The following ADAMTSL2 variants were observed in gnomAD, a reference collection of about 807,000 sequenced individuals.
ADAMTSL2 encodes the protein ADAMTS-like protein 2.
A neutral mutation model predicts 117.0 loss-of-function variants in ADAMTSL2; 55 were observed. That is an observed-to-expected ratio of 0.47 (90% CI 0.38 to 0.59). The LOEUF (loss-of-function observed/expected upper bound fraction) is 0.59. ADAMTSL2 is among the 20% of genes least tolerant of loss of function. The probability of loss-of-function intolerance (pLI) is 0.00; values close to 1 mark genes in which losing one functional copy is unlikely to be tolerated. For missense variants in ADAMTSL2, 1,182 were observed against 1,354.5 expected (o/e 0.87, Z 2.00); for synonymous variants, 572 against 566.4 (o/e 1.01, Z -0.14).
rs1232915406 is a variant in ADAMTSL2 at position 133,555,179 on chromosome 9, C to T, written c.1277-379C>T. On this transcript the variant is annotated intron_variant, in intron 10 of 18. Coordinates refer to ENST00000651351, the MANE Select transcript of ADAMTSL2 (RefSeq NM_014694.4). Reference sequence around the variant, plus strand: ...TCCTCCTCTGTGCCGGTGTCTCTGTCGGTCCCCTTCTGATAAGGATATTTC... The same window carrying T: ...TCCTCCTCTGTGCCGGTGTCTCTGTTGGTCCCCTTCTGATAAGGATATTTC... 6.6e-5 allele frequency among the ~76,000 whole-genome samples: 10 copies of T among 152,160 alleles called. No homozygotes were observed. The South Asian group carries it at 8.3e-4, about 13-fold the overall frequency.
Position 133,536,767 on chromosome 9 carries a change from G to C in ADAMTSL2, c.55G>C (p.Val19Leu). 1 of 1,614,244 alleles carries C rather than the reference G, an allele frequency of 6.2e-7. No homozygotes were observed. The highest frequency in any genetic ancestry group is 8.5e-7 in the Non-Finnish European group (1 of 1,180,048). The change falls in exon 2 of 19, where the codon GTT (valine) becomes CTT (leucine). Residue 19 changes from valine (V) to leucine (L), a missense_variant. This residue lies in a region of ADAMTSL2 where 372 missense variants were observed against 463.4 expected (regional missense o/e 0.80). Transcript: ENST00000651351. ...CWAWFLLVLA[V>L]VAGDTVSTGS... ...GGCCTGGTTCCTGCTGGTTCTGGCAGTTGTAGCTGGGGACACAGTGTCAAC... is the reference window on the plus strand; with the variant it reads ...GGCCTGGTTCCTGCTGGTTCTGGCACTTGTAGCTGGGGACACAGTGTCAAC...
chr9:133,568,166 C>T lies in ADAMTSL2; in HGVS notation c.1875-107C>T, dbSNP rs966981534. On this transcript the variant is annotated intron_variant, in intron 13 of 18. Transcript: ENST00000651351. ...TAGCTTGTTGTGTGCGGTTTTGGAC[C>T]ACATAGGGGAGGAAGGGAGGAGCCG... 8 of 1,190,700 alleles carry T rather than the reference C, an allele frequency of 6.7e-6. No homozygotes were observed. In the African/African-American group the frequency reaches 9.0e-5, roughly 13 times the overall value. The allele number at this position is 1,190,700 out of a possible 1,614,324, so 73.8% of individuals were successfully genotyped here. A position where few individuals can be genotyped will look rare whatever the true frequency, so the allele number is the denominator to read the frequency against.
chr9:133,535,382 G>C (rs1455708328), intron 1 of ADAMTSL2, among the ~76,000 whole-genome samples: 1 of 142,856 alleles, frequency 7.0e-6, no homozygotes, highest in African/African-American at 2.6e-5. Flanking sequence ...GAGGTGGGGG[G>C]CAGGCGGCGG....
At chr9:133,561,770 CG>C (rs1166641426) in intron 12 of ADAMTSL2, among the ~76,000 whole-genome samples, 2 of 152,162 alleles carry the variant, frequency 1.3e-5, no homozygotes, top group Admixed American at 6.5e-5. Flanking sequence ...AGACCCTCCT[CG>C]GTGGTGCCTG....
In ADAMTSL2 at chr9:133,537,637, T is replaced by G. The variant is rs144524985; in HGVS notation, c.233+90T>G. ...CGGTTGGCTCTTCAGCCTGGTGGCT[T>G]CTCCCCCTGGGAGGGCTCTCGGGTT... is the stretch of plus-strand genomic sequence containing the variant. On this transcript the variant is annotated intron_variant, in intron 3 of 18. Coordinates refer to ENST00000651351, the MANE Select transcript of ADAMTSL2 (RefSeq NM_014694.4). 401 of 1,259,080 alleles carry G rather than the reference T, an allele frequency of 3.2e-4. 3 individuals are homozygous for G. In the African/African-American group the frequency reaches 5.8e-3, roughly 18 times the overall value. 78.0% of individuals were successfully genotyped at this position (1,259,080 alleles called of 1,614,324 possible). A position where few individuals can be genotyped will look rare whatever the true frequency, so the allele number is the denominator to read the frequency against.
At chr9:133,571,161 C>T (rs2131186539) in intron 17 of ADAMTSL2, among the ~76,000 whole-genome samples, 1 of 152,348 alleles carries the variant, frequency 6.6e-6, no homozygotes, top group East Asian at 1.9e-4. Context: ...CAACCCTCAC[C>T]CAGTTCTTTG....
Position 133,554,672 on chromosome 9 carries a change from C to A in ADAMTSL2, c.1255C>A (p.Pro419Thr). 1.3e-6 allele frequency: 2 copies of A among 1,511,800 alleles called. No individual in the cohort carries two copies. Among genetic ancestry groups the A allele is most frequent in the East Asian group, 2.4e-5 (1 of 40,912 alleles). 93.6% of individuals were successfully genotyped at this position (1,511,800 alleles called of 1,614,324 possible). A position where few individuals can be genotyped will look rare whatever the true frequency, so the allele number is the denominator to read the frequency against. The change falls in exon 10 of 19, where the codon CCC becomes ACC. Residue 419 changes from proline to threonine, a missense_variant. Transcript: ENST00000651351. This position sits in a 1 kb window ranked among gnomAD's most constrained non-coding sequence, Gnocchi z 5.2. Reference sequence around the variant, plus strand: ...CGGCGGCGGGGCCTGCGAGGGGCCCCCCAGGGGCAAGGGCTTCCGAGGTAA... The same window carrying A: ...CGGCGGCGGGGCCTGCGAGGGGCCCACCAGGGGCAAGGGCTTCCGAGGTAA... ...QAGGGACEGPPRGKGFRDRNV... is the reference protein window; with the variant it reads ...QAGGGACEGPTRGKGFRDRNV...
intron 14 of ADAMTSL2, 54 bp downstream of exon 14, chr9:133,568,540 T>G (rs1831030232): frequency 6.4e-7 from 1 of 1,565,588 alleles, no homozygotes. Context: ...GAGCTGGGCT[T>G]GGGAGATGGA....
rs886063649 is a variant in ADAMTSL2 at position 133,573,939 on chromosome 9, G to C, written c.2689G>C (p.Val897Leu). ...TGGTTGCGATCCGTTGGTGAAGCCC[G>C]TTGGCAGACAGGCCTGTGATCTGCA... The part of the protein sequence containing the change: ...VRGCDPLVKP[V>L]GRQACDLQPC... Residue 897 changes from valine to leucine, a missense_variant, in exon 18 of 19, where the codon GTT becomes CTT. Physicochemically the swap from Val to Leu is conservative, Grantham distance 32. Transcript: ENST00000651351. The C allele has an allele frequency of 1.2e-6, 2 of 1,614,066 alleles. No individual in the cohort carries two copies. Among genetic ancestry groups the C allele is most frequent in the Admixed American group, 1.7e-5 (1 of 60,024 alleles).
intron 9 of ADAMTSL2, among the ~76,000 whole-genome samples, chr9:133,551,306 A>C (rs34187456): frequency 0.31 from 46,602 of 150,168 alleles, 7,911 homozygotes; most frequent in Middle Eastern, 0.38. Flanking sequence ...GCCCCCCCAC[A>C]CACAGCCATA....
At chr9:133,548,373 G>T (rs1382693946) in intron 9 of ADAMTSL2, among the ~76,000 whole-genome samples, 1 of 152,178 alleles carries the variant, frequency 6.6e-6, no homozygotes, top group Non-Finnish European at 1.5e-5. Flanking sequence ...GCATCTCTGT[G>T]TCTGTGCTTA....
At chr9:133,548,712 C>A (rs926774620) in intron 9 of ADAMTSL2, among the ~76,000 whole-genome samples, 1 of 152,128 alleles carries the variant, frequency 6.6e-6, no homozygotes, top group African/African-American at 2.4e-5. Context: ...GGGGGCATGA[C>A]CTGGGGAGAG....
intron 5 of ADAMTSL2, among the ~76,000 whole-genome samples, chr9:133,540,302 C>T (rs1331354611): frequency 1.3e-5 from 2 of 152,242 alleles, no homozygotes; most frequent in African/African-American, 2.4e-5. Flanking sequence ...CCAGGGCCAG[C>T]AGCACAGGGG....
In ADAMTSL2 at chr9:133,575,083, C is replaced by G. The variant is rs1831198393; in HGVS notation, c.*219C>G. The G allele has an allele frequency of 1.7e-6, 1 of 584,544 alleles. No individual in the cohort carries two copies. The allele number at this position is 584,544 out of a possible 1,614,324, so 36.2% of individuals were successfully genotyped here. On this transcript the variant is annotated 3_prime_UTR_variant, in exon 19 of 19. Coordinates refer to ENST00000651351, the MANE Select transcript of ADAMTSL2 (RefSeq NM_014694.4). Reference sequence around the variant, plus strand: ...CCCAGTGGCCTCCCCCAGACAGAGCCACCCCTGCCGTGGGAACCTGTCCGT... The same window carrying G: ...CCCAGTGGCCTCCCCCAGACAGAGCGACCCCTGCCGTGGGAACCTGTCCGT...
At position 133,568,722 on chromosome 9, in the gene ADAMTSL2, C is replaced by T; in HGVS notation, c.2208C>T (p.Pro736=). 1 of 1,613,236 alleles carries T rather than the reference C, an allele frequency of 6.2e-7. No homozygotes were observed. The highest frequency in any genetic ancestry group is 8.5e-7 in the Non-Finnish European group (1 of 1,179,990). The change falls in exon 15 of 19, where the codon CCC becomes CCT. Residue 736 remains proline (P), a synonymous_variant. Transcript: ENST00000651351. Reference sequence around the variant, plus strand: ...GGGAGAAGAACTGCACGGGCCCGCCCTGTGACCGGCAGTGGACCGTCTCCG... The same window carrying T: ...GGGAGAAGAACTGCACGGGCCCGCCTTGTGACCGGCAGTGGACCGTCTCCG... The part of the protein sequence containing the change: ...PVGEKNCTGP[P]CDRQWTVSDW...
At chr9:133,564,693 GGA>G (rs1181499763) in intron 12 of ADAMTSL2, among the ~76,000 whole-genome samples, 120 of 95,624 alleles carry the variant, frequency 1.3e-3, no homozygotes, top group Middle Eastern at 0.01. Flanking sequence ...AGAGGGAGAG[GGA>G]GAGAGAGAGA....
intron 7 of ADAMTSL2, 57 bp downstream of exon 7, chr9:133,541,058 C>A: frequency 6.3e-7 from 1 of 1,577,392 alleles, no homozygotes. Context: ...ATCGGGGGTC[C>A]TGAGTGTGCT....
rs1400518825 is a variant in ADAMTSL2 at position 133,574,977 on chromosome 9, C to T, written c.*113C>T. 41 of 814,218 alleles carry T rather than the reference C, an allele frequency of 5.0e-5. No homozygotes were observed. The highest frequency in any genetic ancestry group is 3.7e-4 in the South Asian group (26 of 71,130). The allele number at this position is 814,218 out of a possible 1,614,324, so 50.4% of individuals were successfully genotyped here. A position where few individuals can be genotyped will look rare whatever the true frequency, so the allele number is the denominator to read the frequency against. ...CTGCGGGGCACGCTGGCCTAAGAGA[C>T]GTGGCACTGAGCCTCGGCTGTCGAG... is the stretch of plus-strand genomic sequence containing the variant. On this transcript the variant is annotated 3_prime_UTR_variant, in exon 19 of 19. Transcript: ENST00000651351.
chr9:133,548,779 C>CTGTT, intron 9 of ADAMTSL2, among the ~76,000 whole-genome samples: 1 of 152,128 alleles, frequency 6.6e-6, no homozygotes, highest in Non-Finnish European at 1.5e-5. Context: ...TGAACTGTTG[C>CTGTT]GCACCCACCC....
Sources: gnomAD v4.1 joint callset for allele counts (sites outside exome capture counted in the v4.1 genomes callset) on GRCh38, gnomAD v4.1.1 for gene constraint, gnomAD v4.1.1 regional missense constraint, Gnocchi (gnomAD v3.1) non-coding constraint, MANE v1.5 for transcripts, NCBI Gene and HGNC (gene_info 2026-07-23, HGNC 2026-07-21) for gene names.